The following STAG1 variants were observed in gnomAD, a reference collection of about 807,000 sequenced individuals.
The protein encoded by STAG1 is cohesin subunit SA-1.
In STAG1, 26 loss-of-function variants were observed where a neutral mutation model predicts 170.9. That is an observed-to-expected ratio of 0.15 (90% confidence interval 0.11 to 0.21). The LOEUF (loss-of-function observed/expected upper bound fraction) is 0.21. Ranked by LOEUF, STAG1 falls within the 10% of genes least tolerant of loss-of-function variation. The pLI is 1.00. For missense variants in STAG1, 964 were observed against 1,509.5 expected, an observed-to-expected ratio of 0.64 and a Z score of 5.99; for synonymous variants, 514 against 497.7, an observed-to-expected ratio of 1.03 and a Z score of -0.44.
chr3:136,417,634 T>C (rs1260281863), intron 21 of STAG1: 2 of 367,266 alleles, frequency 5.4e-6, no homozygotes, highest in Non-Finnish European at 9.9e-6. Context: ...TTTCTCCTAA[T>C]AGAGAAAAGT....
intron 1 of STAG1, among the ~76,000 whole-genome samples, chr3:136,722,405 TC>T (rs1933334632): frequency 6.6e-6 from 1 of 151,984 alleles, no homozygotes; most frequent in Non-Finnish European, 1.5e-5. Flanking sequence ...TTTCAACATC[TC>T]CCAGAAATAA....
At chr3:136,541,538 TCACACACACACACACACACA>T (rs59155124) in intron 6 of STAG1, among the ~76,000 whole-genome samples, 8 of 123,214 alleles carry the variant, frequency 6.5e-5, no homozygotes, top group East Asian at 4.7e-4. Context: ...AGCTTAACAT[TCACACACACACACACACACA>T]CACACACACA....
chr3:136,548,456 G>A (rs1028911056), intron 5 of STAG1, among the ~76,000 whole-genome samples: 3 of 152,078 alleles, frequency 2.0e-5, no homozygotes, highest in African/African-American at 4.8e-5. Context: ...TTTGAAGTTT[G>A]GAAGTGTGGT....
intron 1 of STAG1, among the ~76,000 whole-genome samples, chr3:136,675,245 G>A (rs1942096276): frequency 6.6e-6 from 1 of 152,172 alleles, no homozygotes; most frequent in South Asian, 2.1e-4. Flanking sequence ...CAACCATTAA[G>A]ATGTGAAGAC....
rs1442510441 is a variant in STAG1 at position 136,337,401 on chromosome 3, T to TCGTTTTACTGAG, written c.*841_*852dup. ...CAAACTGATAACTTGAGAATCATTTTCGTTTTACTGAGAATACTTTATTTG... is the reference window on the plus strand; with the variant it reads ...CAAACTGATAACTTGAGAATCATTTTCGTTTTACTGAGCGTTTTACTGAGAATACTTTATTTG... On this transcript the variant is annotated 3_prime_UTR_variant, in exon 34 of 34. Transcript: ENST00000383202. The TCGTTTTACTGAG allele has an allele frequency of 1.3e-5, 2 of 152,662 alleles. No individual in the cohort carries two copies. The highest frequency in any genetic ancestry group is 1.9e-4 in the East Asian group (1 of 5,204). The allele number at this position is 152,662 out of a possible 1,614,324, so 9.5% of individuals were successfully genotyped here. A position where few individuals can be genotyped will look rare whatever the true frequency, so the allele number is the denominator to read the frequency against.
chr3:136,630,670 A>C (rs1220116989), intron 2 of STAG1, among the ~76,000 whole-genome samples, 200 bp downstream of exon 2: 1 of 152,190 alleles, frequency 6.6e-6, no homozygotes, highest in African/African-American at 2.4e-5. Flanking sequence ...ATATCAGAAA[A>C]CATGTTGACA....
At chr3:136,514,502 G>A (rs1304497860) in intron 7 of STAG1, among the ~76,000 whole-genome samples, 1 of 152,176 alleles carries the variant, frequency 6.6e-6, no homozygotes, top group Non-Finnish European at 1.5e-5. Context: ...AAGACAGTGT[G>A]GTGATTCCCC....
At chr3:136,362,479 C>T (rs1441125024) in intron 26 of STAG1, among the ~76,000 whole-genome samples, 1 of 149,814 alleles carries the variant, frequency 6.7e-6, no homozygotes, top group African/African-American at 2.5e-5. Context: ...TAAATTTATA[C>T]AGATTGGCTG....
At chr3:136,658,532 T>C (rs1207760114) in intron 1 of STAG1, among the ~76,000 whole-genome samples, 1 of 149,896 alleles carries the variant, frequency 6.7e-6, no homozygotes, top group Non-Finnish European at 1.5e-5. Flanking sequence ...ATTTCAACAC[T>C]AGTACCATAA....
At chr3:136,604,286 T>C (rs2107808258) in intron 4 of STAG1, 23 bp downstream of exon 4, 2 of 1,599,968 alleles carry the variant, frequency 1.3e-6, no homozygotes, top group African/African-American at 1.3e-5. Context: ...GCTTTATACG[T>C]GAAATAAAAA....
At chr3:136,592,605 T>C (rs903692157) in intron 4 of STAG1, among the ~76,000 whole-genome samples, 1 of 152,188 alleles carries the variant, frequency 6.6e-6, no homozygotes, top group African/African-American at 2.4e-5. Context: ...TTTCCCCAAC[T>C]TTCTCCTGAT....
chr3:136,572,585 CAG>C (rs1204471545), intron 4 of STAG1, among the ~76,000 whole-genome samples: 1 of 99,182 alleles, frequency 1.0e-5, no homozygotes, highest in Non-Finnish European at 1.8e-5. Context: ...GCCTGGGTGA[CAG>C]AGCAAGACTG....
chr3:136,572,615 A>AT (rs1937306018), intron 4 of STAG1, among the ~76,000 whole-genome samples: 1 of 151,156 alleles, frequency 6.6e-6, no homozygotes, highest in Non-Finnish European at 1.5e-5. Flanking sequence ...AAAAAAAAAA[A>AT]AAAAAAAGTA....
chr3:136,693,738 AT>A (rs36012928), intron 1 of STAG1, among the ~76,000 whole-genome samples: 1,737 of 146,718 alleles, frequency 0.012, 21 homozygotes, highest in African/African-American at 0.033. Context: ...TCAGCTAATT[AT>A]TTTTTTTTTT....
chr3:136,682,835 A>G (rs1187740233), intron 1 of STAG1, among the ~76,000 whole-genome samples: 2 of 152,250 alleles, frequency 1.3e-5, no homozygotes, highest in Non-Finnish European at 2.9e-5. Context: ...TCACAGTAGC[A>G]TCATTCACAA....
chr3:136,550,325 TGA>T (rs1341037160), intron 5 of STAG1, among the ~76,000 whole-genome samples: 3 of 151,838 alleles, frequency 2.0e-5, no homozygotes, highest in African/African-American at 4.8e-5. Context: ...TTTTTTTTTT[TGA>T]GACAGAGTCT....
chr3:136,364,495 A>C (rs1047133401), intron 25 of STAG1, among the ~76,000 whole-genome samples: 1 of 151,904 alleles, frequency 6.6e-6, no homozygotes, highest in African/African-American at 2.4e-5. Flanking sequence ...AAAACTGCTT[A>C]CTTCTGGGGG....
At position 136,452,053 on chromosome 3, in the gene STAG1, G is replaced by C; in HGVS notation, c.1408C>G (p.Leu470Val). The change falls in exon 14 of 34, where the codon CTT (leucine) becomes GTT (valine). Residue 470 changes from leucine (L) to valine (V), a missense_variant. Leu to Val is a conservative substitution (Grantham distance 32, BLOSUM62 1). Coordinates refer to ENST00000383202, the MANE Select transcript of STAG1 (RefSeq NM_005862.3). Reference sequence around the variant, plus strand: ...TTTACCTCACTTTCAAGAAAGAAAAGAACCAGCATCCTAATGAGGTTTCCA... The same window carrying C: ...TTTACCTCACTTTCAAGAAAGAAAACAACCAGCATCCTAATGAGGTTTCCA... ...PNGNLIRMLVLFFLESELHEH... is the reference protein window; with the variant it reads ...PNGNLIRMLVVFFLESELHEH... The C allele has an allele frequency of 6.2e-7, 1 of 1,609,124 alleles. No individual in the cohort carries two copies. The highest frequency in any genetic ancestry group is 8.5e-7 in the Non-Finnish European group (1 of 1,177,974).
At chr3:136,468,116 C>T (rs2089520653) in intron 12 of STAG1, among the ~76,000 whole-genome samples, 1 of 152,114 alleles carries the variant, frequency 6.6e-6, no homozygotes, top group Non-Finnish European at 1.5e-5. Context: ...GAAGAGCAAA[C>T]ACATTCTAAA....
Sources: allele counts gnomAD v4.1 joint callset (sites outside exome capture counted in the v4.1 genomes callset), GRCh38; gene constraint gnomAD v4.1.1; transcripts MANE v1.5; gene names NCBI Gene and HGNC (gene_info 2026-07-23, HGNC 2026-07-21).